HECW2: variants seen among roughly 807,000 people sequenced by gnomAD.
HECW2 encodes the protein HECT, C2 and WW domain containing E3 ubiquitin protein ligase 2.
HECW2 carries 61 observed loss-of-function variants against 175.2 expected under a neutral mutation model. The ratio of observed to expected loss-of-function variants is 0.35; its 90% CI spans 0.28 to 0.43. HECW2 has a LOEUF of 0.43. Ranked by LOEUF, HECW2 falls within the 20% of genes least tolerant of loss-of-function variation. The pLI, the probability that HECW2 is intolerant of heterozygous loss-of-function variation, is 1.00. For missense variants in HECW2, 1,524 were observed against 2,000.5 expected (o/e 0.76, Z 4.54); for synonymous variants, 671 against 731.0 (o/e 0.92, Z 1.32).
intron 16 of HECW2, among the ~76,000 whole-genome samples, chr2:196,273,255 G>C (rs10186629): frequency 6.6e-6 from 1 of 151,980 alleles, no homozygotes; most frequent in Non-Finnish European, 1.5e-5. Context: ...TTTTAGTAGA[G>C]ACGGGGTTTC....
Position 196,433,381 on chromosome 2 carries a change from G to C in HECW2, c.43C>G (p.Arg15Gly), listed in dbSNP as rs367683245. The C allele has an allele frequency of 2.3e-5, 37 of 1,613,964 alleles. No individual in the cohort carries two copies. Among genetic ancestry groups the C allele is most frequent in the Non-Finnish European group, 3.1e-5 (37 of 1,179,968 alleles). The change falls in exon 2 of 29, where the codon CGA becomes GGA. Residue 15 changes from arginine to glycine, a missense_variant. By Grantham distance (125) the Arg-to-Gly change is moderately radical. Transcript: ENST00000644978. ...AREHLLFVRR[R>G]NPQMRYTLSP... ...AATGTGTACCGCATCTGGGGATTTC[G>C]ACGCCTCACAAAAAGCAGGTGCTCC...
intron 2 of HECW2, among the ~76,000 whole-genome samples, chr2:196,367,652 C>T (rs2105895955): frequency 6.6e-6 from 1 of 152,182 alleles, no homozygotes; most frequent in South Asian, 2.1e-4. Context: ...ACTACCCTTC[C>T]CAGCCTCTGG....
chr2:196,349,906 G>A (rs568676119), intron 2 of HECW2, among the ~76,000 whole-genome samples: 146 of 152,154 alleles, frequency 9.6e-4, no homozygotes, highest in African/African-American at 3.4e-3. Flanking sequence ...GAACACCTAG[G>A]GGTCTTAAAC....
intron 1 of HECW2, among the ~76,000 whole-genome samples, chr2:196,452,853 G>A (rs1696388067): frequency 6.6e-6 from 1 of 150,790 alleles, no homozygotes; most frequent in South Asian, 2.1e-4. Context: ...TCCAGAGCAG[G>A]GCTTATCAAT....
chr2:196,225,790 TA>T lies in HECW2; in HGVS notation c.3997del (p.Tyr1333IlefsTer11). ...LLDAFFTRPF[Y>X]KALLRILCDL... is the part of the protein sequence containing the mutation. The stretch of plus-strand genomic sequence containing the variant: ...TTCTTACATTCTGAGAAGAGCCTTA[TA>T]AAAGGGCCGTGTGAAGAAGGCATCC... On this transcript the variant is annotated frameshift_variant, in exon 23 of 29. Coordinates refer to ENST00000644978, the MANE Select transcript of HECW2 (RefSeq NM_001348768.2). LOFTEE classifies it high-confidence loss of function. 6.2e-7 allele frequency: 1 copy of T among 1,604,990 alleles called. No homozygotes were observed. Among genetic ancestry groups the T allele is most frequent in the Non-Finnish European group, 8.5e-7 (1 of 1,171,720 alleles).
At chr2:196,488,953 A>G (rs1263433066) in intron 1 of HECW2, among the ~76,000 whole-genome samples, 1 of 152,214 alleles carries the variant, frequency 6.6e-6, no homozygotes, top group Non-Finnish European at 1.5e-5. Flanking sequence ...ACATAGAAGT[A>G]AGTTAAAAGC....
intron 1 of HECW2, among the ~76,000 whole-genome samples, chr2:196,455,960 T>C (rs1696498100): frequency 6.6e-6 from 1 of 152,064 alleles, no homozygotes; most frequent in Non-Finnish European, 1.5e-5. Flanking sequence ...TTTCATCTAG[T>C]ATTCTTGACT....
At chr2:196,469,430 G>A (rs916836010) in intron 1 of HECW2, among the ~76,000 whole-genome samples, 7 of 152,048 alleles carry the variant, frequency 4.6e-5, no homozygotes, top group Non-Finnish European at 5.9e-5. Flanking sequence ...GAACACCCAC[G>A]AAGTTTAGGA....
intron 5 of HECW2, among the ~76,000 whole-genome samples, chr2:196,327,393 C>T (rs1407541494): frequency 6.6e-6 from 1 of 152,144 alleles, no homozygotes; most frequent in East Asian, 1.9e-4. Flanking sequence ...TTTACATATG[C>T]TATTGCTCAC....
chr2:196,238,963 A>G (rs1688353099), intron 21 of HECW2: 1 of 152,376 alleles, frequency 6.6e-6, no homozygotes, highest in Non-Finnish European at 1.5e-5. Context: ...TGGTCCAACA[A>G]TGAAGGGAGG....
rs558730426 is a variant in HECW2, at chr2:196,530,639, C to T, written c.-36+62869G>A. On this transcript the variant is annotated intron_variant, in intron 1 of 28. Coordinates refer to ENST00000644978, the MANE Select transcript of HECW2 (RefSeq NM_001348768.2). The stretch of plus-strand genomic sequence containing the variant: ...GTTTAGTGAGCTGTCTTATAATCTA[C>T]TTTAAAATACAGTAAGACAGTTATT... Among the ~76,000 whole-genome samples, 5 of 152,290 alleles carry T rather than the reference C, an allele frequency of 3.3e-5. No individual in the cohort carries two copies. The South Asian group carries it at 6.2e-4, about 19-fold the overall frequency.
chr2:196,451,431 CA>C (rs1383013336), intron 1 of HECW2, among the ~76,000 whole-genome samples: 70 of 65,934 alleles, frequency 1.1e-3, no homozygotes, highest in East Asian at 4.7e-3. Context: ...GACTCCGTCT[CA>C]AAAAAAAAAA....
At chr2:196,530,101 A>G (rs1400219058) in intron 1 of HECW2, among the ~76,000 whole-genome samples, 2 of 152,244 alleles carry the variant, frequency 1.3e-5, no homozygotes, top group Non-Finnish European at 2.9e-5. Flanking sequence ...ATTCTTATTT[A>G]CAAATGGCAA....
At chr2:196,221,495 A>C (rs1559444883) in intron 24 of HECW2, among the ~76,000 whole-genome samples, 1 of 152,152 alleles carries the variant, frequency 6.6e-6, no homozygotes, top group Non-Finnish European at 1.5e-5. Context: ...TTCTGTTCTT[A>C]AGTCTTCCCC....
At chr2:196,479,447 G>A (rs1349561199) in intron 1 of HECW2, among the ~76,000 whole-genome samples, 1 of 152,172 alleles carries the variant, frequency 6.6e-6, no homozygotes, top group Non-Finnish European at 1.5e-5. Flanking sequence ...TCCTTGTGCA[G>A]GGATGTGTCC....
intron 15 of HECW2, among the ~76,000 whole-genome samples, chr2:196,278,283 G>A (rs1332882750): frequency 1.4e-5 from 2 of 147,936 alleles, no homozygotes; most frequent in South Asian, 2.2e-4. Flanking sequence ...ACCTTCCTCT[G>A]AGTCAAAAAA....
At chr2:196,341,313 T>TGCC (rs1692743024) in intron 3 of HECW2, among the ~76,000 whole-genome samples, 2 of 152,098 alleles carry the variant, frequency 1.3e-5, no homozygotes, top group African/African-American at 4.8e-5. Context: ...GAAGTGATTT[T>TGCC]ACCTTTTCCC....
intron 2 of HECW2, among the ~76,000 whole-genome samples, chr2:196,374,059 A>G (rs912575196): frequency 4.6e-5 from 7 of 151,882 alleles, no homozygotes; most frequent in Non-Finnish European, 7.4e-5. Context: ...ATAAATAAAT[A>G]AATAAATATG....
At position 196,220,096 on chromosome 2, in the gene HECW2, C is replaced by A. The variant is rs755743711; in HGVS notation, c.4351G>T (p.Ala1451Ser). 1 of 1,613,666 alleles carries A rather than the reference C, an allele frequency of 6.2e-7. No homozygotes were observed. The highest frequency in any genetic ancestry group is 1.1e-5 in the South Asian group (1 of 91,088). The change falls in exon 26 of 29, where the codon GCA becomes TCA. Residue 1451 changes from alanine to serine, a missense_variant. By Grantham distance (99) the Ala-to-Ser change is moderately conservative. Around this residue, in one of 11 missense-constraint regions of HECW2, gnomAD observed 134 missense variants for 287.8 expected, o/e 0.47. Transcript: ENST00000644978. ...CTTAGGTCTATTTCAGCTGTGCCTG[C>A]GATGACCAATTCCAGTTCTCTTGCA... ...FDARELELVI[A>S]GTAEIDLSDW... is the part of the protein sequence containing the mutation.
Sources: gnomAD v4.1 joint callset for allele counts (sites outside exome capture counted in the v4.1 genomes callset) on GRCh38, gnomAD v4.1.1 for gene constraint, gnomAD v4.1.1 regional missense constraint, MANE v1.5 for transcripts, NCBI Gene and HGNC (gene_info 2026-07-23, HGNC 2026-07-21) for gene names.